The following ATXN1 variants were observed in gnomAD, a reference collection of about 807,000 sequenced individuals.
ATXN1 encodes the protein ataxin 1.
In ATXN1, 8 loss-of-function variants were observed where a neutral mutation model predicts 56.4. The ratio of observed to expected loss-of-function variants is 0.14; its 90% CI spans 0.08 to 0.26. The LOEUF (loss-of-function observed/expected upper bound fraction) is 0.26, where lower values mean the gene tolerates loss of function less well. ATXN1 is among the 10% of genes least tolerant of loss of function. The pLI, the probability that ATXN1 is intolerant of heterozygous loss-of-function variation, is 1.00. For synonymous variants in ATXN1, 514 were observed against 494.6 expected, an observed-to-expected ratio of 1.04 and a Z score of -0.52; for missense variants, 987 against 1,106.5, an observed-to-expected ratio of 0.89 and a Z score of 1.53.
At chr6:16,745,692 G>A (rs901854093) in intron 2 of ATXN1, among the ~76,000 whole-genome samples, 6 of 152,134 alleles carry the variant, frequency 3.9e-5, no homozygotes, top group African/African-American at 1.4e-4. Flanking sequence ...TGCGGAAAAC[G>A]TCACTGCCAG....
Position 16,606,867 on chromosome 6 carries a change from T to TTGTGTGTGTGTGTGTGTGTG in ATXN1, c.-488-20980_-488-20961dup, listed in dbSNP as rs759331296. ...GGGGGAAAGTATACAGTTCCATGAGTTGTGTGTGTGTGTGTGTGTGTTGTT... is the reference window on the plus strand; with the variant it reads ...GGGGGAAAGTATACAGTTCCATGAGTTGTGTGTGTGTGTGTGTGTGTGTGTGTGTGTGTGTGTGTGTTGTT... On this transcript the variant is annotated intron_variant, in intron 3 of 7. Transcript: ENST00000436367. 9.7e-3 allele frequency among the ~76,000 whole-genome samples: 1,226 copies of TTGTGTGTGTGTGTGTGTGTG among 126,790 alleles called. 16 individuals carry two copies. The highest frequency in any genetic ancestry group is 0.014 in the East Asian group (52 of 3,726). 83.2% of individuals were successfully genotyped at this position (126,790 alleles called of 152,430 possible).
rs1319919561 is a variant in ATXN1 at position 16,326,614 on chromosome 6, G to A, written c.1697C>T (p.Ala566Val). Residue 566 changes from alanine to valine, a missense_variant, in exon 7 of 8, where the codon GCT (alanine) becomes GTT (valine). This residue lies in a region of ATXN1 where 723 missense variants were observed against 791.7 expected (regional missense o/e 0.91). Coordinates refer to ENST00000436367, the MANE Select transcript of ATXN1 (RefSeq NM_001128164.2). This position sits in a 1 kb window ranked among gnomAD's most constrained non-coding sequence, Gnocchi z 6.6. ...VVQSVASPAA[A>V]PPTLPPYFMK... ...GAAGTAGGGAGGCAGCGTAGGGGGA[G>A]CCGCCGCCGGGGAGGCCACGGACTG... 1 of 1,614,094 alleles carries A rather than the reference G, an allele frequency of 6.2e-7. No individual in the cohort carries two copies. The highest frequency in any genetic ancestry group is 8.5e-7 in the Non-Finnish European group (1 of 1,180,038).
intron 6 of ATXN1, among the ~76,000 whole-genome samples, chr6:16,427,055 T>A (rs758049042): frequency 6.6e-6 from 1 of 152,022 alleles, no homozygotes; most frequent in Non-Finnish European, 1.5e-5. Flanking sequence ...GCAGGAGGCA[T>A]CTTTGTGGAT....
chr6:16,447,853 C>T (rs532055701), intron 6 of ATXN1, among the ~76,000 whole-genome samples: 30 of 152,160 alleles, frequency 2.0e-4, no homozygotes, highest in Non-Finnish European at 2.8e-4. Context: ...AGAGCATCTG[C>T]GTTTTATTTT....
At chr6:16,620,951 A>G (rs1163766942) in intron 3 of ATXN1, among the ~76,000 whole-genome samples, 1 of 152,236 alleles carries the variant, frequency 6.6e-6, no homozygotes, top group Non-Finnish European at 1.5e-5. Context: ...TCAGCTCTGA[A>G]CATTAGTTGT....
At chr6:16,345,756 C>G (rs982627750) in intron 6 of ATXN1, among the ~76,000 whole-genome samples, 3 of 152,116 alleles carry the variant, frequency 2.0e-5, no homozygotes, top group Non-Finnish European at 4.4e-5. Flanking sequence ...TGGGATGACT[C>G]GCTACCTGCA....
intron 2 of ATXN1, among the ~76,000 whole-genome samples, chr6:16,664,431 C>T (rs1330960376): frequency 5.3e-5 from 8 of 152,124 alleles, no homozygotes; most frequent in African/African-American, 9.6e-5. Flanking sequence ...CCAGCCGGTA[C>T]GTTCCATAGG....
intron 6 of ATXN1, among the ~76,000 whole-genome samples, chr6:16,395,270 C>CAAAAAAAAAAAAAAAAAAAAAA (rs748314030): frequency 3.1e-4 from 15 of 48,448 alleles, no homozygotes; most frequent in African/African-American, 1.1e-3. Flanking sequence ...AACTCCGTCT[C>CAAAAAAAAAAAAAAAAAAAAAA]AAAAAAAAAA....
Position 16,328,106 on chromosome 6 carries a change from G to C in ATXN1, c.205C>G (p.Leu69Val). 1.3e-6 allele frequency: 2 copies of C among 1,597,304 alleles called. No homozygotes were observed. The highest frequency in any genetic ancestry group is 1.7e-6 in the Non-Finnish European group (2 of 1,168,412). Residue 69 changes from leucine (L) to valine (V), a missense_variant, in exon 7 of 8, where the codon CTT (leucine) becomes GTT (valine). Around this residue, in one of 3 missense-constraint regions of ATXN1, gnomAD observed 723 missense variants for 791.7 expected, o/e 0.91. Coordinates refer to ENST00000436367, the MANE Select transcript of ATXN1 (RefSeq NM_001128164.2). The surrounding 1 kb of genome is among the most constrained non-coding windows in gnomAD (Gnocchi z 6.2). ...AAACCTATTCCCTGTTGTAAACCAAGCTCCACCGAGGTCCCTGCCGGCCCA... is the reference window on the plus strand; with the variant it reads ...AAACCTATTCCCTGTTGTAAACCAACCTCCACCGAGGTCCCTGCCGGCCCA... The part of the protein sequence containing the change: ...RHGPAGTSVE[L>V]GLQQGIGLHK...
intron 4 of ATXN1, among the ~76,000 whole-genome samples, chr6:16,565,574 A>G (rs879361644): frequency 2.0e-5 from 3 of 152,208 alleles, no homozygotes; most frequent in Non-Finnish European, 4.4e-5. Context: ...AATCATAGTA[A>G]TAATAATAAT....
intron 3 of ATXN1, among the ~76,000 whole-genome samples, chr6:16,618,837 G>A (rs1763268304): frequency 6.6e-6 from 1 of 150,762 alleles, no homozygotes; most frequent in Admixed American, 6.6e-5. Context: ...AAAAATCAAC[G>A]TAAGTAAAAT....
Position 16,302,134 on chromosome 6 carries a change from C to G in ATXN1, c.*4195G>C, listed in dbSNP as rs1760121508. On this transcript the variant is annotated 3_prime_UTR_variant, in exon 8 of 8. Coordinates refer to ENST00000436367, the MANE Select transcript of ATXN1 (RefSeq NM_001128164.2). ...AGTAATCCACAAGATGCAGGAAATC[C>G]AAACATTCCTTGAAATTGTACAACC... 1 of 152,592 alleles carries G rather than the reference C, an allele frequency of 6.6e-6. No homozygotes were observed. Among genetic ancestry groups the G allele is most frequent in the African/African-American group, 2.4e-5 (1 of 41,420 alleles). 9.5% of individuals were successfully genotyped at this position (152,592 alleles called of 1,614,324 possible).
intron 2 of ATXN1, among the ~76,000 whole-genome samples, chr6:16,698,386 T>C (rs1189485603): frequency 6.6e-6 from 1 of 152,184 alleles, no homozygotes; most frequent in Non-Finnish European, 1.5e-5. Context: ...TGATGCTTCA[T>C]TGTTCTAAGC....
intron 4 of ATXN1, among the ~76,000 whole-genome samples, chr6:16,579,770 T>A (rs1762495241): frequency 6.6e-6 from 1 of 152,084 alleles, no homozygotes; most frequent in Non-Finnish European, 1.5e-5. Flanking sequence ...TATTGAGCAT[T>A]GACTATGTGC....
At chr6:16,726,940 T>C (rs967022536) in intron 2 of ATXN1, among the ~76,000 whole-genome samples, 1 of 152,224 alleles carries the variant, frequency 6.6e-6, no homozygotes, top group African/African-American at 2.4e-5. Context: ...GGAGTACAAT[T>C]AGACACTGAA....
intron 6 of ATXN1, among the ~76,000 whole-genome samples, chr6:16,392,578 C>T (rs113893969): frequency 3.3e-5 from 5 of 152,044 alleles, no homozygotes; most frequent in African/African-American, 4.8e-5. Flanking sequence ...TCCCTGCAAC[C>T]TCCGCCTTCT....
intron 6 of ATXN1, among the ~76,000 whole-genome samples, chr6:16,444,519 C>T (rs1452300651): frequency 6.6e-6 from 1 of 152,116 alleles, no homozygotes; most frequent in Non-Finnish European, 1.5e-5. Flanking sequence ...AGATATGCTG[C>T]AATCTATGAA....
chr6:16,346,396 C>T (rs1761388432), intron 6 of ATXN1, among the ~76,000 whole-genome samples: 2 of 152,138 alleles, frequency 1.3e-5, no homozygotes, highest in Admixed American at 6.5e-5. Flanking sequence ...AATTTAGGGG[C>T]TGGGAAGATG....
chr6:16,581,228 C>CGTGT (rs1353438776), intron 4 of ATXN1, among the ~76,000 whole-genome samples: 9 of 125,670 alleles, frequency 7.2e-5, no homozygotes, highest in Non-Finnish European at 1.4e-4. Flanking sequence ...TGTGTGTGCG[C>CGTGT]GCGTGTGTGT....
Sources: allele counts gnomAD v4.1 joint callset (sites outside exome capture counted in the v4.1 genomes callset), GRCh38; gene constraint gnomAD v4.1.1; regional missense constraint gnomAD v4.1.1; non-coding constraint Gnocchi (gnomAD v3.1); transcripts MANE v1.5; gene names NCBI Gene and HGNC (gene_info 2026-07-23, HGNC 2026-07-21).